Variants in PARD3 observed in about 807,000 individuals in gnomAD.
PARD3 encodes par-3 family cell polarity regulator.
In PARD3, 75 loss-of-function variants were observed where a neutral mutation model predicts 155.4. The observed-to-expected ratio is 0.48, with a 90% CI of 0.40 to 0.58. The LOEUF (loss-of-function observed/expected upper bound fraction) is 0.58. Among genes scored for constraint, PARD3 ranks in the 20% least tolerant of loss-of-function variants. The pLI is 0.00. For synonymous variants in PARD3, 576 were observed against 610.5 expected (o/e 0.94, Z 0.83); for missense variants, 1,642 against 1,721.7 (o/e 0.95, Z 0.82).
At chr10:34,218,855 A>T (rs1166762976) in intron 22 of PARD3, among the ~76,000 whole-genome samples, 1 of 151,804 alleles carries the variant, frequency 6.6e-6, no homozygotes, top group Non-Finnish European at 1.5e-5. Context: ...AAGGGTGAAA[A>T]CCTAACTGTT....
chr10:34,199,415 G>T (rs549323947), intron 22 of PARD3, among the ~76,000 whole-genome samples: 23 of 152,144 alleles, frequency 1.5e-4, no homozygotes, highest in Non-Finnish European at 2.9e-4. Flanking sequence ...TCTCACACGT[G>T]GAGCTGGTGT....
At chr10:34,252,053 G>A (rs372840615) in intron 22 of PARD3, among the ~76,000 whole-genome samples, 29 of 152,240 alleles carry the variant, frequency 1.9e-4, no homozygotes, top group African/African-American at 6.5e-4. Flanking sequence ...CATTTATGCC[G>A]CATCATAATG....
intron 2 of PARD3, among the ~76,000 whole-genome samples, chr10:34,611,782 G>C (rs1332435718): frequency 1.3e-5 from 2 of 151,580 alleles, no homozygotes; most frequent in East Asian, 3.9e-4. Context: ...CATGAAGATG[G>C]GAAATAAATG....
chr10:34,408,271 T>A (rs181885263), intron 5 of PARD3, among the ~76,000 whole-genome samples: 1 of 152,252 alleles, frequency 6.6e-6, no homozygotes, highest in African/African-American at 2.4e-5. Context: ...TGTCAAGTGT[T>A]TTTAAAAAAA....
At chr10:34,782,915 G>A (rs1009345437) in intron 1 of PARD3, among the ~76,000 whole-genome samples, 4 of 151,888 alleles carry the variant, frequency 2.6e-5, no homozygotes, top group Admixed American at 6.6e-5. Flanking sequence ...TAGTAGAAAC[G>A]GGTTTCACCA....
chr10:34,714,785 T>G (rs1050562514), intron 1 of PARD3, among the ~76,000 whole-genome samples: 1 of 151,788 alleles, frequency 6.6e-6, no homozygotes, highest in Non-Finnish European at 1.5e-5. Context: ...ATTTTTTTTT[T>G]TTTTTTGGAG....
chr10:34,593,005 G>A (rs1186614758), intron 2 of PARD3, among the ~76,000 whole-genome samples: 2 of 152,196 alleles, frequency 1.3e-5, no homozygotes, highest in Non-Finnish European at 2.9e-5. Context: ...AGAAGGGAAT[G>A]AAATGAAAGA....
chr10:34,428,063 C>T (rs2132500023), intron 5 of PARD3, among the ~76,000 whole-genome samples: 1 of 152,230 alleles, frequency 6.6e-6, no homozygotes, highest in South Asian at 2.1e-4. Context: ...ACGACATCAT[C>T]CCACAACAAA....
intron 7 of PARD3, among the ~76,000 whole-genome samples, chr10:34,395,265 C>T (rs1843207050): frequency 1.3e-5 from 2 of 152,086 alleles, no homozygotes; most frequent in Admixed American, 1.3e-4. Flanking sequence ...GAACTCTTGA[C>T]CTGAAGTGCT....
At chr10:34,504,896 T>C (rs1487355841) in intron 3 of PARD3, among the ~76,000 whole-genome samples, 2 of 152,156 alleles carry the variant, frequency 1.3e-5, no homozygotes, top group Non-Finnish European at 1.5e-5. Context: ...GAGATCTATA[T>C]CAAGTGCAGC....
chr10:34,569,473 A>G (rs1445165749), intron 2 of PARD3, among the ~76,000 whole-genome samples: 1 of 152,162 alleles, frequency 6.6e-6, no homozygotes, highest in East Asian at 1.9e-4. Context: ...GCTAGAGTGC[A>G]GTGGCATGAT....
chr10:34,208,573 A>T (rs999152045), intron 22 of PARD3, among the ~76,000 whole-genome samples: 1 of 152,200 alleles, frequency 6.6e-6, no homozygotes, highest in Non-Finnish European at 1.5e-5. Flanking sequence ...TTTCTTGTGA[A>T]ATCATTTTGC....
intron 2 of PARD3, among the ~76,000 whole-genome samples, chr10:34,686,832 T>G (rs1415476462): frequency 2.0e-5 from 3 of 151,880 alleles, no homozygotes; most frequent in African/African-American, 7.3e-5. Flanking sequence ...GTGGATCAGT[T>G]GAGGTCAAGA....
intron 2 of PARD3, among the ~76,000 whole-genome samples, chr10:34,649,785 T>C (rs2092951835): frequency 6.6e-6 from 1 of 152,246 alleles, no homozygotes; most frequent in Admixed American, 6.5e-5. Context: ...TTTCAACTTT[T>C]TGACTCATAA....
chr10:34,269,612 AAAAG>A, intron 22 of PARD3, 41 bp downstream of exon 22: 1 of 1,602,822 alleles, frequency 6.2e-7, no homozygotes, highest in Admixed American at 1.7e-5. Context: ...GAAGCTGTAT[AAAAG>A]CTGATTTGGA....
At chr10:34,610,104 C>A (rs1429209461) in intron 2 of PARD3, among the ~76,000 whole-genome samples, 3 of 152,140 alleles carry the variant, frequency 2.0e-5, no homozygotes, top group Non-Finnish European at 2.9e-5. Context: ...CACATCTACT[C>A]TAATCTCTGG....
At chr10:34,713,884 G>A (rs2094481399) in intron 1 of PARD3, among the ~76,000 whole-genome samples, 1 of 152,078 alleles carries the variant, frequency 6.6e-6, no homozygotes. Context: ...CTGAGGCCTG[G>A]TAACTATAAT....
At chr10:34,309,082 A>G (rs1957561594) in intron 20 of PARD3, among the ~76,000 whole-genome samples, 2 of 152,212 alleles carry the variant, frequency 1.3e-5, no homozygotes, top group African/African-American at 2.4e-5. Context: ...GAAGGGGTGA[A>G]GGATTCATTG....
At chr10:34,800,375 C>T (rs1300555899) in intron 1 of PARD3, among the ~76,000 whole-genome samples, 1 of 151,804 alleles carries the variant, frequency 6.6e-6, no homozygotes, top group African/African-American at 2.4e-5. Context: ...TTTGGGAGGT[C>T]GAGGCAGGCG....
Sources: gnomAD v4.1 joint callset for allele counts (sites outside exome capture counted in the v4.1 genomes callset) on GRCh38, gnomAD v4.1.1 for gene constraint, MANE v1.5 for transcripts, NCBI Gene and HGNC (gene_info 2026-07-23, HGNC 2026-07-21) for gene names.